CABP1: variants seen among roughly 807,000 people sequenced by gnomAD.
CABP1 encodes the protein calcium-binding protein 1.
CABP1 carries 17 observed loss-of-function variants against 34.3 expected under a neutral mutation model. The ratio of observed to expected loss-of-function variants is 0.50; its 90% CI spans 0.34 to 0.74. The LOEUF (loss-of-function observed/expected upper bound fraction) is 0.74. CABP1 is among the 30% of genes least tolerant of loss of function. CABP1 has a pLI of 0.01. For synonymous variants in CABP1, 198 were observed against 229.2 expected, an observed-to-expected ratio of 0.86 and a Z score of 1.23; for missense variants, 373 against 511.1, an observed-to-expected ratio of 0.73 and a Z score of 2.61.
downstream of CABP1, among the ~76,000 whole-genome samples, chr12:120,668,731 T>C (rs1036316611): frequency 6.6e-6 from 1 of 152,346 alleles, no homozygotes. Context: ...TTGTAATTCG[T>C]TTCTATAAGT....
chr12:120,658,744 C>T (rs138746113), intron 1 of CABP1, among the ~76,000 whole-genome samples: 6 of 152,318 alleles, frequency 3.9e-5, no homozygotes, highest in Middle Eastern at 3.4e-3. Flanking sequence ...AGGTGCCACA[C>T]GCTCACTGTG....
intron 1 of CABP1, among the ~76,000 whole-genome samples, chr12:120,651,661 A>C (rs1593158883): frequency 6.6e-6 from 1 of 152,068 alleles, no homozygotes; most frequent in Non-Finnish European, 1.5e-5. Context: ...TGTATCCCCA[A>C]CCCCATCCTA....
intron 1 of CABP1, chr12:120,650,740 G>T: frequency 6.4e-7 from 1 of 1,560,514 alleles, no homozygotes; most frequent in Non-Finnish European, 8.8e-7. Flanking sequence ...CTCACCATCT[G>T]TCTCAGAGGT....
chr12:120,649,258 GC>G (rs199817643), intron 1 of CABP1, among the ~76,000 whole-genome samples: 1 of 152,138 alleles, frequency 6.6e-6, no homozygotes, highest in Non-Finnish European at 1.5e-5. Context: ...GTTCTGAGCA[GC>G]CCCCCCACAC....
At chr12:120,655,974 C>G (rs766582579) in intron 1 of CABP1, 3 of 1,552,960 alleles carry the variant, frequency 1.9e-6, no homozygotes, top group Non-Finnish European at 2.6e-6. Flanking sequence ...CTCTCTGAAC[C>G]CCGCTCCTTG....
intron 5 of CABP1, among the ~76,000 whole-genome samples, chr12:120,666,466 T>TC (rs1880991215): frequency 1.1e-5 from 1 of 92,814 alleles, no homozygotes; most frequent in Admixed American, 1.6e-4. Context: ...AGAGCAAGAC[T>TC]CCATCTCAAA....
chr12:120,659,801 G>T, intron 1 of CABP1, 77 bp from the exon 2 acceptor site: 3 of 1,434,324 alleles, frequency 2.1e-6, no homozygotes, highest in South Asian at 1.2e-5. Context: ...GCTGCCACGT[G>T]GATGGCCCCC....
chr12:120,647,196 G>C (rs1879578652), intron 1 of CABP1, among the ~76,000 whole-genome samples: 2 of 152,218 alleles, frequency 1.3e-5, no homozygotes, highest in South Asian at 4.1e-4. Context: ...ACCAATGCTG[G>C]GCAGGGGAAG....
At position 120,660,752 on chromosome 12, in the gene CABP1, A is replaced by G; in HGVS notation, c.851A>G (p.Asp284Gly). The G allele has an allele frequency of 6.2e-7, 1 of 1,613,718 alleles. No individual in the cohort carries two copies. Among genetic ancestry groups the G allele is most frequent in the South Asian group, 1.1e-5 (1 of 91,052 alleles). The stretch of plus-strand genomic sequence containing the variant: ...CCAGTGGGTGGCCATGTAGATTTTG[A>G]TGACTTCGTGGAGCTAATGGGGCCT... ...NMNLGGHVDF[D>G]DFVELMGPKL... The change falls in exon 4 of 6, where the codon GAT becomes GGT. Residue 284 changes from aspartate to glycine, a missense_variant. Asp to Gly is a moderately conservative substitution (Grantham distance 94). Around this residue, in one of 4 missense-constraint regions of CABP1, gnomAD observed 109 missense variants for 204.8 expected, o/e 0.53. Coordinates refer to ENST00000316803, the MANE Select transcript of CABP1 (RefSeq NM_001033677.2). This position sits in a 1 kb window ranked among gnomAD's most constrained non-coding sequence, Gnocchi z 5.0.
At position 120,657,168 on chromosome 12, in the gene CABP1, T is replaced by G. The variant is rs575160610; in HGVS notation, c.655-2710T>G. Among the ~76,000 whole-genome samples the G allele has an allele frequency of 1.3e-3, 191 of 152,330 alleles. 1 individual carries two copies. The highest frequency in any genetic ancestry group is 4.4e-3 in the African/African-American group (182 of 41,572). ...CTAGTGCAACTAAGGAACTGAATTA[T>G]GGATTTTATGTTATTCTTACTCAAA... On this transcript the variant is annotated intron_variant, in intron 1 of 5. Coordinates refer to ENST00000316803, the MANE Select transcript of CABP1 (RefSeq NM_001033677.2).
intron 1 of CABP1, among the ~76,000 whole-genome samples, chr12:120,653,100 A>G (rs1157348603): frequency 6.6e-6 from 1 of 152,176 alleles, no homozygotes; most frequent in African/African-American, 2.4e-5. Flanking sequence ...TCCATTCTTC[A>G]TGGGAGCAAA....
In CABP1 at chr12:120,661,331, A is replaced by AGCCCTT; in HGVS notation, c.1087+114_1087+119dup. On this transcript the variant is annotated intron_variant, in intron 5 of 5. Transcript: ENST00000316803. This position sits in a 1 kb window ranked among gnomAD's most constrained non-coding sequence, Gnocchi z 5.1. ...AATCCGCCCTAATTTTCCAACCCCC[A>AGCCCTT]GCCCTTTCATCCTCTTATCCCTCCG... 1.3e-5 allele frequency: 16 copies of AGCCCTT among 1,262,142 alleles called. No individual in the cohort carries two copies. The South Asian group carries it at 2.3e-4, about 18-fold the overall frequency. 78.2% of individuals were successfully genotyped at this position (1,262,142 alleles called of 1,614,324 possible).
downstream of CABP1, among the ~76,000 whole-genome samples, chr12:120,668,667 ACC>A (rs1375512499): frequency 1.3e-5 from 2 of 152,180 alleles, no homozygotes; most frequent in Non-Finnish European, 2.9e-5. Flanking sequence ...CACACGGCAC[ACC>A]CCAGGGACTG....
intron 1 of CABP1, chr12:120,650,692 T>C: frequency 6.2e-7 from 1 of 1,613,944 alleles, no homozygotes; most frequent in Non-Finnish European, 8.5e-7. Context: ...GGTATGTTTT[T>C]GGAGTTTCCA....
chr12:120,656,353 T>C (rs997588474), intron 1 of CABP1: 2 of 1,339,340 alleles, frequency 1.5e-6, no homozygotes, highest in Non-Finnish European at 2.0e-6. Context: ...AAGGGGTCTA[T>C]ACAGAGCTCA....
chr12:120,641,379 G>T lies in CABP1; in HGVS notation c.654+40G>T, dbSNP rs1253978514. On this transcript the variant is annotated intron_variant, in intron 1 of 5. Transcript: ENST00000316803. This position sits in a 1 kb window ranked among gnomAD's most constrained non-coding sequence, Gnocchi z 6.7. ...TCCCGTCAGCGCTCCCGGGAAAGGC[G>T]CTCGGGACCCTGCCGGCCGCGGTTG... 1.1e-5 allele frequency: 14 copies of T among 1,248,376 alleles called. No homozygotes were observed. The highest frequency in any genetic ancestry group is 2.7e-4 in the Middle Eastern group (1 of 3,712). The allele number at this position is 1,248,376 out of a possible 1,614,324, so 77.3% of individuals were successfully genotyped here. A position where few individuals can be genotyped will look rare whatever the true frequency, so the allele number is the denominator to read the frequency against.
the CABP1 span, among the ~76,000 whole-genome samples, chr12:120,678,142 A>G: frequency 3.7e-4 from 56 of 152,330 alleles, no homozygotes; most frequent in Non-Finnish European, 7.2e-4. Context: ...CAGGGCTGGC[A>G]GGACTGGCTC....
rs1282348621 is a variant in CABP1, at chr12:120,660,187, C to T, written c.686-9C>T. On this transcript the variant is annotated splice_polypyrimidine_tract_variant and intron_variant, in intron 2 of 5. Transcript: ENST00000316803. The surrounding 1 kb of genome is among the most constrained non-coding windows in gnomAD (Gnocchi z 5.0). ...CCCTGACCACATCCACCTTTGCTCA[C>T]TTCCCCAGAGCTCCGAGAGGCCTTC... 2.5e-6 allele frequency: 4 copies of T among 1,613,886 alleles called. No homozygotes were observed. The African/African-American group carries it at 5.3e-5, about 22-fold the overall frequency.
At chr12:120,654,934 G>A (rs1298267050) in intron 1 of CABP1, among the ~76,000 whole-genome samples, 1 of 152,244 alleles carries the variant, frequency 6.6e-6, no homozygotes, top group Non-Finnish European at 1.5e-5. Context: ...TAGAGGTCCG[G>A]CACTCTGGGC....
Sources: gnomAD v4.1 joint callset for allele counts (sites outside exome capture counted in the v4.1 genomes callset) on GRCh38, gnomAD v4.1.1 for gene constraint, gnomAD v4.1.1 regional missense constraint, Gnocchi (gnomAD v3.1) non-coding constraint, MANE v1.5 for transcripts, NCBI Gene and HGNC (gene_info 2026-07-23, HGNC 2026-07-21) for gene names.